COL25A1: variants seen among roughly 807,000 people sequenced by gnomAD.
COL25A1 encodes the protein collagen type XXV alpha 1 chain, also known as collagen alpha-1(XXV) chain.
Under a neutral mutation model 128.4 loss-of-function variants are expected in COL25A1, and 103 were observed. That is an observed-to-expected ratio of 0.80 (90% CI 0.68 to 0.94). The LOEUF is 0.94. COL25A1 is among the 40% of genes least tolerant of loss of function. COL25A1 has a pLI of 0.00. For synonymous variants in COL25A1, 279 were observed against 277.2 expected, an observed-to-expected ratio of 1.01 and a Z score of -0.06; for missense variants, 745 against 840.0, an observed-to-expected ratio of 0.89 and a Z score of 1.40.
chr4:109,129,332 T>C (rs1195315487), intron 3 of COL25A1, among the ~76,000 whole-genome samples: 2 of 152,044 alleles, frequency 1.3e-5, no homozygotes, highest in Non-Finnish European at 2.9e-5. Context: ...TTTCTCCATA[T>C]TGGTCAGGCT....
intron 3 of COL25A1, among the ~76,000 whole-genome samples, chr4:109,235,721 C>T (rs35702755): frequency 0.25 from 38,528 of 151,970 alleles, 6,482 homozygotes; most frequent in African/African-American, 0.47. Context: ...ATAAAACAAA[C>T]AAACAGCAAG....
At chr4:108,976,715 T>C (rs186035319) in intron 6 of COL25A1, among the ~76,000 whole-genome samples, 55 of 152,330 alleles carry the variant, frequency 3.6e-4, no homozygotes, top group African/African-American at 1.2e-3. Flanking sequence ...GGTGGGAACG[T>C]AGCAATGCTC....
chr4:108,965,173 C>T (rs1751150503), intron 8 of COL25A1, among the ~76,000 whole-genome samples: 1 of 152,196 alleles, frequency 6.6e-6, no homozygotes, highest in African/African-American at 2.4e-5. Context: ...AAGATGCTAT[C>T]AGTTTTGCAT....
Position 108,990,272 on chromosome 4 carries a change from A to C in COL25A1, c.439-15713T>G, listed in dbSNP as rs188463062. ...TATATATATATATATATATATATATATCTCAAAAGAATCGATAAAAATATA... is the reference window on the plus strand; with the variant it reads ...TATATATATATATATATATATATATCTCTCAAAAGAATCGATAAAAATATA... On this transcript the variant is annotated intron_variant, in intron 6 of 37. Coordinates refer to ENST00000399132, the MANE Select transcript of COL25A1 (RefSeq NM_198721.4). Among the ~76,000 whole-genome samples, 957 of 123,634 alleles carry C rather than the reference A, an allele frequency of 7.7e-3. 8 individuals are homozygous for C. Among genetic ancestry groups the C allele is most frequent in the Non-Finnish European group, 9.1e-3 (538 of 58,962 alleles). The allele number at this position is 123,634 out of a possible 152,430, so 81.1% of individuals were successfully genotyped here. A position where few individuals can be genotyped will look rare whatever the true frequency, so the allele number is the denominator to read the frequency against.
chr4:108,834,744 T>C (rs1171958911), intron 31 of COL25A1, among the ~76,000 whole-genome samples: 1 of 152,212 alleles, frequency 6.6e-6, no homozygotes, highest in Non-Finnish European at 1.5e-5. Context: ...CTATTCACCA[T>C]ATATTTCTTT....
At chr4:108,967,681 C>T (rs1751469226) in intron 8 of COL25A1, among the ~76,000 whole-genome samples, 1 of 152,166 alleles carries the variant, frequency 6.6e-6, no homozygotes, top group South Asian at 2.1e-4. Flanking sequence ...TCTCTCTGCA[C>T]TATAGTAAGG....
chr4:109,236,335 G>A (rs7654246), intron 3 of COL25A1, among the ~76,000 whole-genome samples: 84,279 of 151,862 alleles, frequency 0.55, 25,745 homozygotes, highest in African/African-American at 0.79. Context: ...ACCAAGATTT[G>A]TTTCCTCTAA....
At position 109,210,050 on chromosome 4, in the gene COL25A1, C is replaced by CA. The variant is rs1279307600; in HGVS notation, c.367+90532dup. Among the ~76,000 whole-genome samples, 787 of 112,566 alleles carry CA rather than the reference C, an allele frequency of 7.0e-3. 2 individuals carry two copies. The highest frequency in any genetic ancestry group is 0.014 in the African/African-American group (414 of 30,386). 73.8% of individuals were successfully genotyped at this position (112,566 alleles called of 152,430 possible). A position where few individuals can be genotyped will look rare whatever the true frequency, so the allele number is the denominator to read the frequency against. On this transcript the variant is annotated intron_variant, in intron 3 of 37. Transcript: ENST00000399132. Reference sequence around the variant, plus strand: ...TGGGTGACAGAGTGAGACTTCATCTCAAAAAAAAAAAAAAGTAAACATCAA... The same window carrying CA: ...TGGGTGACAGAGTGAGACTTCATCTCAAAAAAAAAAAAAAAGTAAACATCAA...
chr4:109,001,385 T>TCCTGTCAGGTAGGCATCTGAGAG (rs1755366303), intron 6 of COL25A1, among the ~76,000 whole-genome samples: 7 of 152,180 alleles, frequency 4.6e-5, no homozygotes, highest in East Asian at 1.9e-4. Flanking sequence ...GCATCTGAGA[T>TCCTGTCAGGTAGGCATCTGAGAG]CCTGTCAGGT....
chr4:109,150,924 C>T (rs1022877391), intron 3 of COL25A1, among the ~76,000 whole-genome samples: 3 of 152,120 alleles, frequency 2.0e-5, no homozygotes, highest in Middle Eastern at 3.4e-3. Flanking sequence ...TTAAGCTCTG[C>T]AAATGCAGGA....
At chr4:108,960,985 G>A (rs1408492103) in intron 8 of COL25A1, among the ~76,000 whole-genome samples, 2 of 152,102 alleles carry the variant, frequency 1.3e-5, no homozygotes, top group Non-Finnish European at 2.9e-5. Flanking sequence ...ATCCTGAAAT[G>A]CTACACTGAA....
intron 6 of COL25A1, among the ~76,000 whole-genome samples, chr4:109,002,276 C>T (rs567131568): frequency 6.6e-6 from 1 of 152,304 alleles, no homozygotes; most frequent in South Asian, 2.1e-4. Context: ...TTCATTGCAG[C>T]ATTTCTCACA....
At chr4:109,177,831 G>A (rs1774240242) in intron 3 of COL25A1, among the ~76,000 whole-genome samples, 1 of 152,212 alleles carries the variant, frequency 6.6e-6, no homozygotes, top group Admixed American at 6.5e-5. Flanking sequence ...GCGTTTAGGG[G>A]TGCCTCTATA....
intron 13 of COL25A1, among the ~76,000 whole-genome samples, chr4:108,914,770 T>C (rs1744670755): frequency 6.7e-6 from 1 of 150,180 alleles, no homozygotes; most frequent in Non-Finnish European, 1.5e-5. Flanking sequence ...CCTCCCACCT[T>C]GGCCTCCCAA....
At chr4:108,889,160 A>G in intron 18 of COL25A1, 61 bp downstream of exon 18, 1 of 1,344,492 alleles carries the variant, frequency 7.4e-7, no homozygotes, top group Non-Finnish European at 1.1e-6. Context: ...TACACAGTGG[A>G]TGGTAGATAT....
At chr4:109,068,666 CA>C (rs1762663857) in intron 3 of COL25A1, among the ~76,000 whole-genome samples, 1 of 152,130 alleles carries the variant, frequency 6.6e-6, no homozygotes, top group Admixed American at 6.6e-5. Context: ...ATAATTCTAT[CA>C]CCACTAAATA....
At chr4:108,857,383 T>C (rs2125784477) in intron 24 of COL25A1, among the ~76,000 whole-genome samples, 1 of 152,162 alleles carries the variant, frequency 6.6e-6, no homozygotes, top group South Asian at 2.1e-4. Context: ...TTCTAGAATT[T>C]GACAGTAACC....
At chr4:109,182,948 A>G (rs1774805970) in intron 3 of COL25A1, among the ~76,000 whole-genome samples, 1 of 152,112 alleles carries the variant, frequency 6.6e-6, no homozygotes, top group African/African-American at 2.4e-5. Context: ...ACACACACAC[A>G]CAAAGAATCA....
chr4:108,959,778 T>A (rs1750465886), intron 8 of COL25A1, among the ~76,000 whole-genome samples: 1 of 152,140 alleles, frequency 6.6e-6, no homozygotes, highest in Non-Finnish European at 1.5e-5. Flanking sequence ...AACATTGTAC[T>A]GGTGACATAG....
Sources: gnomAD v4.1 joint callset for allele counts (sites outside exome capture counted in the v4.1 genomes callset) on GRCh38, gnomAD v4.1.1 for gene constraint, MANE v1.5 for transcripts, NCBI Gene and HGNC (gene_info 2026-07-23, HGNC 2026-07-21) for gene names.